The following UBE3C variants were observed in gnomAD, a reference collection of about 807,000 sequenced individuals.
UBE3C encodes ubiquitin-protein ligase E3C.
Under a neutral mutation model 129.4 loss-of-function variants are expected in UBE3C, and 42 were observed. The ratio of observed to expected loss-of-function variants is 0.32; its 90% CI spans 0.25 to 0.42. The LOEUF is 0.42. UBE3C is among the 10% of genes least tolerant of loss of function. UBE3C has a pLI of 1.00. For synonymous variants in UBE3C, 510 were observed against 492.4 expected, an observed-to-expected ratio of 1.04 and a Z score of -0.47; for missense variants, 1,049 against 1,319.1, an observed-to-expected ratio of 0.80 and a Z score of 3.17.
At chr7:157,159,133 G>GTC (rs914595433) in intron 1 of UBE3C, among the ~76,000 whole-genome samples, 1 of 152,184 alleles carries the variant, frequency 6.6e-6, no homozygotes. Context: ...AGGTAGGAAA[G>GTC]TCTCTCTCTC....
intron 1 of UBE3C, among the ~76,000 whole-genome samples, chr7:157,150,234 C>A (rs1451503586): frequency 1.3e-5 from 2 of 152,112 alleles, no homozygotes; most frequent in Non-Finnish European, 2.9e-5. Flanking sequence ...AAAAAATTAG[C>A]TGAGTGTGGT....
chr7:157,159,384 G>A (rs1219745772), intron 1 of UBE3C, among the ~76,000 whole-genome samples: 1 of 151,642 alleles, frequency 6.6e-6, no homozygotes, highest in Non-Finnish European at 1.5e-5. Flanking sequence ...AAACCAGTTG[G>A]TGGCGGTGAA....
At chr7:157,204,355 G>A (rs539698202) in intron 11 of UBE3C, among the ~76,000 whole-genome samples, 4 of 144,308 alleles carry the variant, frequency 2.8e-5, no homozygotes, top group South Asian at 2.2e-4. Flanking sequence ...ACGAGATTGC[G>A]CCATTGCACT....
At chr7:157,208,932 C>T (rs779231732) in intron 13 of UBE3C, among the ~76,000 whole-genome samples, 3 of 152,178 alleles carry the variant, frequency 2.0e-5, no homozygotes, top group African/African-American at 7.2e-5. Context: ...ATTTACAGTC[C>T]GTTTAATACC....
At chr7:157,170,593 GT>G in intron 4 of UBE3C, 143 bp downstream of exon 4, 1 of 840,314 alleles carries the variant, frequency 1.2e-6, no homozygotes, top group Non-Finnish European at 1.6e-6. Context: ...GCTGTGAGAG[GT>G]TACCTATGTG....
intron 18 of UBE3C, among the ~76,000 whole-genome samples, chr7:157,243,157 G>A (rs948974585): frequency 1.3e-5 from 2 of 152,204 alleles, no homozygotes; most frequent in Non-Finnish European, 2.9e-5. Flanking sequence ...AGATGTGCAC[G>A]TGTCCTCCAC....
chr7:157,188,928 C>G (rs1808880483), intron 10 of UBE3C: 2 of 657,290 alleles, frequency 3.0e-6, no homozygotes, highest in South Asian at 3.5e-5. Flanking sequence ...CATTTAATTT[C>G]TGTTTAACAC....
At chr7:157,151,825 C>T (rs1376470895) in intron 1 of UBE3C, among the ~76,000 whole-genome samples, 2 of 152,090 alleles carry the variant, frequency 1.3e-5, no homozygotes, top group African/African-American at 4.8e-5. Context: ...AACCGTGGAG[C>T]AGGAGGTAGC....
At chr7:157,224,395 C>T (rs974736908) in intron 16 of UBE3C, among the ~76,000 whole-genome samples, 19 of 151,998 alleles carry the variant, frequency 1.3e-4, no homozygotes, top group African/African-American at 3.6e-4. Flanking sequence ...GGGGTTTCGC[C>T]GTGTTAGCCA....
At chr7:157,158,764 G>A (rs1029108417) in intron 1 of UBE3C, among the ~76,000 whole-genome samples, 2 of 151,902 alleles carry the variant, frequency 1.3e-5, no homozygotes, top group East Asian at 1.9e-4. Flanking sequence ...CCATGGGGAC[G>A]TTTTTTTTCT....
chr7:157,139,375 G>A (rs749577117), intron 1 of UBE3C, 37 bp downstream of exon 1: 4 of 1,530,902 alleles, frequency 2.6e-6, no homozygotes, highest in East Asian at 2.5e-5. Context: ...TCGGCTCGGG[G>A]CCTGCGCGGC....
chr7:157,197,821 T>C, intron 10 of UBE3C: 1 of 1,613,074 alleles, frequency 6.2e-7, no homozygotes, highest in Non-Finnish European at 8.5e-7. Flanking sequence ...CTGATTTGAA[T>C]TTTTGTTGTT....
chr7:157,148,738 T>TA (rs1471192889), intron 1 of UBE3C, among the ~76,000 whole-genome samples: 1 of 151,298 alleles, frequency 6.6e-6, no homozygotes, highest in African/African-American at 2.4e-5. Context: ...GTTCTTTTTT[T>TA]TTTTTTTTTT....
chr7:157,246,058 A>G (rs1412533287), intron 18 of UBE3C, among the ~76,000 whole-genome samples: 9 of 150,822 alleles, frequency 6.0e-5, no homozygotes, highest in South Asian at 2.1e-4. Flanking sequence ...ACAAAAAGCC[A>G]GTGGTACTCT....
At chr7:157,198,047 C>G in intron 10 of UBE3C, 3 of 1,607,636 alleles carry the variant, frequency 1.9e-6, no homozygotes, top group Non-Finnish European at 2.6e-6. Context: ...GGCACTGAAG[C>G]TCCAGGGGGA....
chr7:157,220,587 C>T (rs972212464), intron 14 of UBE3C, 102 bp from the exon 15 acceptor site: 5 of 1,365,386 alleles, frequency 3.7e-6, no homozygotes, highest in Non-Finnish European at 5.1e-6. Flanking sequence ...AGGGCCCAGC[C>T]CACGGTAGAG....
intron 22 of UBE3C, among the ~76,000 whole-genome samples, chr7:157,261,950 A>AT (rs916486759): frequency 6.6e-6 from 1 of 152,298 alleles, no homozygotes; most frequent in African/African-American, 2.4e-5. Context: ...GAAGAACTTC[A>AT]TTTTTTTACT....
At chr7:157,261,911 A>T (rs1796926550) in intron 22 of UBE3C, among the ~76,000 whole-genome samples, 1 of 152,260 alleles carries the variant, frequency 6.6e-6, no homozygotes, top group Non-Finnish European at 1.5e-5. Context: ...AATTATGCAC[A>T]AAATGGTGCC....
intron 10 of UBE3C, among the ~76,000 whole-genome samples, chr7:157,190,704 TAG>T (rs1808937164): frequency 6.6e-6 from 1 of 152,244 alleles, no homozygotes; most frequent in African/African-American, 2.4e-5. Context: ...TTGAACAGTG[TAG>T]ACTCCCTTTG....
Sources: allele counts gnomAD v4.1 joint callset (sites outside exome capture counted in the v4.1 genomes callset), GRCh38; gene constraint gnomAD v4.1.1; transcripts MANE v1.5; gene names NCBI Gene and HGNC (gene_info 2026-07-23, HGNC 2026-07-21).